Variants in EGFLAM observed in about 807,000 individuals in gnomAD.
EGFLAM encodes the protein pikachurin.
Under a neutral mutation model 113.1 loss-of-function variants are expected in EGFLAM, and 79 were observed. That is an observed-to-expected ratio of 0.70 (90% CI 0.58 to 0.84). EGFLAM has a LOEUF of 0.84. EGFLAM is among the 40% of genes least tolerant of loss of function. The probability of loss-of-function intolerance (pLI) is 0.00; values close to 1 mark genes in which losing one functional copy is unlikely to be tolerated. For synonymous variants in EGFLAM, 504 were observed against 487.6 expected (o/e 1.03, Z -0.44); for missense variants, 1,265 against 1,291.6 (o/e 0.98, Z 0.32).
At chr5:38,295,156 G>C (rs561209612) in intron 1 of EGFLAM, among the ~76,000 whole-genome samples, 16 of 152,198 alleles carry the variant, frequency 1.1e-4, no homozygotes, top group Admixed American at 9.2e-4. Context: ...TGGTACTTTT[G>C]GTACAATTAG....
chr5:38,379,025 C>A (rs1740440162), intron 6 of EGFLAM, among the ~76,000 whole-genome samples: 1 of 152,114 alleles, frequency 6.6e-6, no homozygotes, highest in African/African-American at 2.4e-5. Context: ...CATTAGACTC[C>A]AGGCTCTGAG....
At chr5:38,417,093 C>A (rs1741666073) in intron 11 of EGFLAM, among the ~76,000 whole-genome samples, 1 of 152,046 alleles carries the variant, frequency 6.6e-6, no homozygotes, top group Non-Finnish European at 1.5e-5. Flanking sequence ...GTAGCTCATG[C>A]CAGTAATCCC....
chr5:38,271,682 A>G (rs1227146631), intron 1 of EGFLAM, among the ~76,000 whole-genome samples: 1 of 152,204 alleles, frequency 6.6e-6, no homozygotes, highest in African/African-American at 2.4e-5. Context: ...CTCCAGTTCT[A>G]TGAAGTCTTC....
At chr5:38,325,034 G>A (rs1260574316) in intron 1 of EGFLAM, among the ~76,000 whole-genome samples, 1 of 152,162 alleles carries the variant, frequency 6.6e-6, no homozygotes, top group Admixed American at 6.5e-5. Context: ...CCTGGCAGTT[G>A]GGTACATAGG....
At chr5:38,346,369 C>T (rs1739472449) in intron 3 of EGFLAM, 1 of 152,104 alleles carries the variant, frequency 6.6e-6, no homozygotes, top group Non-Finnish European at 1.5e-5. Context: ...AGAACTTGGG[C>T]ATTGGTGTCA....
intron 6 of EGFLAM, among the ~76,000 whole-genome samples, chr5:38,377,655 C>T (rs534371602): frequency 6.6e-6 from 1 of 152,236 alleles, no homozygotes; most frequent in African/African-American, 2.4e-5. Context: ...AAGTGAATTT[C>T]CCATTGGCAA....
At chr5:38,308,379 C>T (rs983229244) in intron 1 of EGFLAM, among the ~76,000 whole-genome samples, 3 of 152,268 alleles carry the variant, frequency 2.0e-5, no homozygotes, top group Non-Finnish European at 2.9e-5. Context: ...GACTTCTGCT[C>T]ATGAGACCCT....
intron 6 of EGFLAM, among the ~76,000 whole-genome samples, chr5:38,395,261 A>G (rs1258640679): frequency 1.0e-4 from 7 of 69,764 alleles, no homozygotes; most frequent in Non-Finnish European, 1.6e-4. Flanking sequence ...TTTTTTTTTT[A>G]GAGACTGGGT....
rs1184052944 is a variant in EGFLAM, at chr5:38,437,263, G to A, written c.2284-1012G>A. The stretch of plus-strand genomic sequence containing the variant: ...GTTTCACTTTTGTTTCTTAAGTGGG[G>A]AAGGGAATGTGCAGAGGGAGGGGAT... On this transcript the variant is annotated intron_variant, in intron 16 of 21. Transcript: ENST00000322350. Among the ~76,000 whole-genome samples the A allele has an allele frequency of 2.6e-5, 4 of 152,216 alleles. 1 individual carries two copies. The highest frequency in any genetic ancestry group is 4.4e-5 in the Non-Finnish European group (3 of 68,040).
intron 1 of EGFLAM, among the ~76,000 whole-genome samples, chr5:38,326,273 C>T (rs909440464): frequency 6.6e-6 from 1 of 152,172 alleles, no homozygotes; most frequent in Non-Finnish European, 1.5e-5. Context: ...TCAGAACTGT[C>T]CTCGAGAATC....
chr5:38,441,592 G>GCA, intron 17 of EGFLAM, among the ~76,000 whole-genome samples: 1 of 118,954 alleles, frequency 8.4e-6, no homozygotes. Flanking sequence ...TCGCTGCTTT[G>GCA]TACACACACA....
intron 1 of EGFLAM, among the ~76,000 whole-genome samples, chr5:38,333,916 GTT>G (rs70978880): frequency 0.017 from 487 of 29,306 alleles, 1 homozygote; most frequent in Non-Finnish European, 0.023. Flanking sequence ...ATTGTTGAGG[GTT>G]TTTTTTTTTT....
intron 6 of EGFLAM, among the ~76,000 whole-genome samples, chr5:38,402,564 C>G (rs1738205732): frequency 6.6e-6 from 1 of 152,222 alleles, no homozygotes; most frequent in Non-Finnish European, 1.5e-5. Context: ...AGTCACCAGA[C>G]AGACCTTGGA....
At chr5:38,409,330 A>G (rs1286422439) in intron 10 of EGFLAM, among the ~76,000 whole-genome samples, 1 of 152,230 alleles carries the variant, frequency 6.6e-6, no homozygotes, top group Non-Finnish European at 1.5e-5. Flanking sequence ...AGCAGCACCT[A>G]CAGTGTAACT....
chr5:38,453,782 G>T (rs1742997274), intron 19 of EGFLAM, among the ~76,000 whole-genome samples: 1 of 152,150 alleles, frequency 6.6e-6, no homozygotes, highest in African/African-American at 2.4e-5. Flanking sequence ...AAGCTCAGCT[G>T]TGGGTGGGAT....
chr5:38,417,243 G>T (rs1561079978), intron 11 of EGFLAM, among the ~76,000 whole-genome samples: 1 of 151,488 alleles, frequency 6.6e-6, no homozygotes, highest in Non-Finnish European at 1.5e-5. Flanking sequence ...AGCTACTCAG[G>T]AGGCTGAGAC....
Position 38,371,545 on chromosome 5 carries a change from G to T in EGFLAM, c.712+1083G>T, listed in dbSNP as rs148841562. 1.3e-3 allele frequency among the ~76,000 whole-genome samples: 194 copies of T among 152,034 alleles called. 1 individual carries two copies. Among genetic ancestry groups the T allele is most frequent in the African/African-American group, 4.4e-3 (183 of 41,458 alleles). On this transcript the variant is annotated intron_variant, in intron 6 of 21. Coordinates refer to ENST00000322350, the MANE Select transcript of EGFLAM (RefSeq NM_152403.4). ...ACCTCTACCCTAACCTTGAATGTCGGGTCGCCTTTTGTCAAATTAAATTGT... is the reference window on the plus strand; with the variant it reads ...ACCTCTACCCTAACCTTGAATGTCGTGTCGCCTTTTGTCAAATTAAATTGT...
chr5:38,416,642 G>A (rs1359849565), intron 11 of EGFLAM, among the ~76,000 whole-genome samples: 2 of 152,178 alleles, frequency 1.3e-5, no homozygotes, highest in Non-Finnish European at 2.9e-5. Flanking sequence ...CTCTAGAAAA[G>A]GATTGAGCTG....
intron 1 of EGFLAM, among the ~76,000 whole-genome samples, chr5:38,310,627 A>C (rs1327106798): frequency 6.6e-6 from 1 of 152,146 alleles, no homozygotes; most frequent in East Asian, 1.9e-4. Flanking sequence ...AAAAAGAAAA[A>C]AAAAATCAAT....
Sources: gnomAD v4.1 joint callset for allele counts (sites outside exome capture counted in the v4.1 genomes callset) on GRCh38, gnomAD v4.1.1 for gene constraint, MANE v1.5 for transcripts, NCBI Gene and HGNC (gene_info 2026-07-23, HGNC 2026-07-21) for gene names.